Variants in TMIE observed in about 807,000 individuals in gnomAD.
The protein encoded by TMIE is transmembrane inner ear expressed protein.
A neutral mutation model predicts 16.8 loss-of-function variants in TMIE; 14 were observed. The observed-to-expected ratio is 0.83, with a 90% CI of 0.55 to 1.30. TMIE has a LOEUF of 1.30. TMIE is among the 50% of genes most tolerant of loss of function. TMIE has a pLI of 0.00. For missense variants in TMIE, 204 were observed against 205.9 expected (o/e 0.99, Z 0.06); for synonymous variants, 75 against 87.2 (o/e 0.86, Z 0.78).
chr3:46,705,255 G>C (rs1436104284), intron 1 of TMIE, among the ~76,000 whole-genome samples: 4 of 152,208 alleles, frequency 2.6e-5, no homozygotes, highest in Non-Finnish European at 5.9e-5. Context: ...CTCTGGGAGA[G>C]TCTTCTGTTC....
intron 1 of TMIE, among the ~76,000 whole-genome samples, chr3:46,694,975 G>T (rs548172008): frequency 6.6e-6 from 1 of 152,306 alleles, no homozygotes; most frequent in African/African-American, 2.4e-5. Context: ...GTCCCTGCCT[G>T]CTAGAGGTGT....
chr3:46,702,654 G>C (rs1408906884), intron 1 of TMIE, among the ~76,000 whole-genome samples: 1 of 152,142 alleles, frequency 6.6e-6, no homozygotes, highest in Non-Finnish European at 1.5e-5. Flanking sequence ...TGGGGGCTTG[G>C]GGACAGTGTG....
intron 1 of TMIE, among the ~76,000 whole-genome samples, chr3:46,694,885 T>A (rs1382099720): frequency 6.6e-6 from 1 of 152,084 alleles, no homozygotes; most frequent in East Asian, 1.9e-4. Flanking sequence ...TGGCCTCCCC[T>A]TTTCCAGCCT....
chr3:46,709,133 G>A lies in TMIE; in HGVS notation c.219G>A (p.Thr73=), dbSNP rs202208051. The A allele has an allele frequency of 1.2e-4, 198 of 1,614,076 alleles. No individual in the cohort carries two copies. In the African/African-American group the frequency reaches 1.7e-3, roughly 14 times the overall value. The part of the protein sequence containing the change: ...FSLFVLSIII[T]LCCVFNCRVP... Reference sequence around the variant, plus strand: ...GCTCTGTCCTCCCTACAGTCATCACGCTGTGCTGTGTCTTCAACTGTCGTG... The same window carrying A: ...GCTCTGTCCTCCCTACAGTCATCACACTGTGCTGTGTCTTCAACTGTCGTG... The change falls in exon 3 of 4, where the codon ACG becomes ACA. Residue 73 remains threonine (T), a synonymous_variant. Coordinates refer to ENST00000643606, the MANE Select transcript of TMIE (RefSeq NM_147196.3).
At chr3:46,697,483 A>G (rs529435630), upstream of TMIE, among the ~76,000 whole-genome samples, 1 of 152,252 alleles carries the variant, frequency 6.6e-6, no homozygotes, top group African/African-American at 2.4e-5. Flanking sequence ...CCAGGAGGGC[A>G]TGGAAGCTCC....
At chr3:46,705,542 C>T (rs1015698456) in intron 1 of TMIE, among the ~76,000 whole-genome samples, 1 of 152,232 alleles carries the variant, frequency 6.6e-6, no homozygotes, top group Non-Finnish European at 1.5e-5. Flanking sequence ...CACATTTGCT[C>T]CTCCAGGCCT....
At chr3:46,694,795 C>T (rs746640359) in intron 1 of TMIE, among the ~76,000 whole-genome samples, 37 of 152,184 alleles carry the variant, frequency 2.4e-4, no homozygotes, top group Non-Finnish European at 4.7e-4. Context: ...ACATTGCTCT[C>T]CTCCTGGGTC....
rs189895472 is a variant in TMIE, at chr3:46,705,887, C to A, written c.191C>A (p.Ser64Ter). ...MRLWHVVGIF[S>*]LFVLSIIITL... ...CTGTGGCACGTGGTGGGCATCTTTT[C>A]GCTCTTCGTGTTGTCCATCAGTGAG... The change falls in exon 2 of 4, where the codon TCG becomes TAG. Residue 64 changes from serine (S) to a stop codon, truncating the protein, a stop_gained. Transcript: ENST00000643606. LOFTEE classifies it high-confidence loss of function. 1 of 1,614,130 alleles carries A rather than the reference C, an allele frequency of 6.2e-7. No individual in the cohort carries two copies. The highest frequency in any genetic ancestry group is 8.5e-7 in the Non-Finnish European group (1 of 1,180,024).
chr3:46,696,496 G>GCCAA (rs1384389249), upstream of TMIE, among the ~76,000 whole-genome samples: 2 of 152,164 alleles, frequency 1.3e-5, no homozygotes, highest in African/African-American at 4.8e-5. Context: ...GTCAGGGACA[G>GCCAA]CCAACTCCCA....
intron 1 of TMIE, 109 bp from the exon 2 acceptor site, chr3:46,705,681 G>C: frequency 1.1e-6 from 1 of 910,138 alleles, no homozygotes; most frequent in Non-Finnish European, 1.8e-6. Flanking sequence ...TTGATTCTAG[G>C]AGATTCTGAT....
chr3:46,700,076 G>A (rs1375191565), upstream of TMIE, among the ~76,000 whole-genome samples: 1 of 152,260 alleles, frequency 6.6e-6, no homozygotes. Context: ...AGGAAGTGGG[G>A]ATTGGAGTGC....
At chr3:46,707,077 C>G (rs1700561006) in intron 2 of TMIE, among the ~76,000 whole-genome samples, 1 of 152,238 alleles carries the variant, frequency 6.6e-6, no homozygotes, top group Admixed American at 6.5e-5. Context: ...GTGCTTTGTT[C>G]CCAGCCGAGG....
chr3:46,702,552 G>A (rs145761608), intron 1 of TMIE, among the ~76,000 whole-genome samples: 87 of 152,264 alleles, frequency 5.7e-4, no homozygotes, highest in African/African-American at 1.8e-3. Flanking sequence ...AGGAGCAGGG[G>A]ATGGAGGCTG....
At position 46,709,583 on chromosome 3, in the gene TMIE, T is replaced by G. The variant is rs370899710; in HGVS notation, c.366T>G (p.Asp122Glu). Residue 122 changes from aspartate to glutamate, a missense_variant, in exon 4 of 4, where the codon GAT becomes GAG. Physicochemically the swap from Asp to Glu is conservative, Grantham distance 45. Coordinates refer to ENST00000643606, the MANE Select transcript of TMIE (RefSeq NM_147196.3). ...TCTCTTCCCCCTGCCCCACAGAGGA[T>G]AAGAAGAAGAAGAAGAAGAAGAAGA... The part of the protein sequence containing the change: ...LNELTEVPGE[D>E]KKKKKKKKKD... 146 of 1,552,542 alleles carry G rather than the reference T, an allele frequency of 9.4e-5. No homozygotes were observed. The highest frequency in any genetic ancestry group is 8.4e-4 in the Middle Eastern group (5 of 5,940).
intron 3 of TMIE, 48 bp from the exon 4 acceptor site, chr3:46,709,531 G>A (rs1443944774): frequency 6.2e-7 from 1 of 1,613,928 alleles, no homozygotes; most frequent in South Asian, 1.1e-5. Context: ...TCAGACCCCA[G>A]GACCTTGTCT....
chr3:46,705,971 C>A (rs1051545413), intron 2 of TMIE, 64 bp downstream of exon 2: 4 of 1,516,936 alleles, frequency 2.6e-6, no homozygotes, highest in South Asian at 1.1e-5. Context: ...CCCTGCCCCC[C>A]AGAGGGCTCA....
chr3:46,698,267 A>G (rs1390131440), upstream of TMIE, among the ~76,000 whole-genome samples: 4 of 151,958 alleles, frequency 2.6e-5, no homozygotes, highest in Non-Finnish European at 5.9e-5. Context: ...GATGGTCTCG[A>G]TCTCCTGACC....
At chr3:46,705,477 CTG>C (rs1472794875) in intron 1 of TMIE, among the ~76,000 whole-genome samples, 2 of 152,208 alleles carry the variant, frequency 1.3e-5, no homozygotes, top group Non-Finnish European at 2.9e-5. Context: ...GAGCCCAGGA[CTG>C]GAGTAGGAGG....
In TMIE at chr3:46,701,437, GC is replaced by G; in HGVS notation, c.-50del. On this transcript the variant is annotated 5_prime_UTR_variant, in exon 1 of 4. Transcript: ENST00000643606. This position sits in a 1 kb window ranked among gnomAD's most constrained non-coding sequence, Gnocchi z 4.3. Reference sequence around the variant, plus strand: ...CGCCGGCTGGCAGGGGCAGTGACCGGCGGCCGGCCCGTTCGTCCCTGGGCTC... The same window carrying G: ...CGCCGGCTGGCAGGGGCAGTGACCGGGGCCGGCCCGTTCGTCCCTGGGCTC... 1 of 1,399,558 alleles carries G rather than the reference GC, an allele frequency of 7.1e-7. No homozygotes were observed. Among genetic ancestry groups the G allele is most frequent in the South Asian group, 1.4e-5 (1 of 71,590 alleles). The allele number at this position is 1,399,558 out of a possible 1,614,324, so 86.7% of individuals were successfully genotyped here.
Sources: gnomAD v4.1 joint callset for allele counts (sites outside exome capture counted in the v4.1 genomes callset) on GRCh38, gnomAD v4.1.1 for gene constraint, Gnocchi (gnomAD v3.1) non-coding constraint, MANE v1.5 for transcripts, NCBI Gene and HGNC (gene_info 2026-07-23, HGNC 2026-07-21) for gene names.